KCTD8: variants seen among roughly 807,000 people sequenced by gnomAD.
The protein encoded by KCTD8 is potassium channel tetramerization domain containing 8, also known as BTB/POZ domain-containing protein KCTD8.
KCTD8 carries 27 observed loss-of-function variants against 31.5 expected under a neutral mutation model. That is an observed-to-expected ratio of 0.86 (90% CI 0.63 to 1.18). KCTD8 has a LOEUF of 1.18. Among genes scored for constraint, KCTD8 ranks in the 50% most tolerant of loss-of-function variants. KCTD8 has a pLI of 0.00. For missense variants in KCTD8, 658 were observed against 647.7 expected (o/e 1.02, Z -0.17); for synonymous variants, 290 against 280.0 (o/e 1.04, Z -0.36).
At chr4:44,424,977 T>G (rs1359086712) in intron 1 of KCTD8, among the ~76,000 whole-genome samples, 1 of 151,942 alleles carries the variant, frequency 6.6e-6, no homozygotes, top group Non-Finnish European at 1.5e-5. Context: ...TTCATTAGGA[T>G]GGGCCCTAAT....
At chr4:44,395,617 C>A (rs1328039042) in intron 1 of KCTD8, among the ~76,000 whole-genome samples, 6 of 152,152 alleles carry the variant, frequency 3.9e-5, no homozygotes, top group Non-Finnish European at 8.8e-5. Context: ...ATAAAGGTAG[C>A]AGTCACACAC....
intron 1 of KCTD8, among the ~76,000 whole-genome samples, chr4:44,224,499 TCAGA>T (rs990598413): frequency 6.6e-6 from 1 of 152,094 alleles, no homozygotes; most frequent in African/African-American, 2.4e-5. Flanking sequence ...TAGGATAATG[TCAGA>T]CAATCTCTAA....
chr4:44,196,768 C>T (rs534877852), intron 1 of KCTD8, among the ~76,000 whole-genome samples: 18 of 152,298 alleles, frequency 1.2e-4, no homozygotes, highest in African/African-American at 4.3e-4. Context: ...AACGAGAGAA[C>T]CCCCTCCTTT....
chr4:44,207,627 C>A (rs915453149), intron 1 of KCTD8, among the ~76,000 whole-genome samples: 2 of 152,148 alleles, frequency 1.3e-5, no homozygotes, highest in African/African-American at 4.8e-5. Flanking sequence ...AGGTTTTTCA[C>A]CAAATGTGTG....
intron 1 of KCTD8, among the ~76,000 whole-genome samples, chr4:44,367,110 C>A (rs1719657766): frequency 6.6e-6 from 1 of 152,120 alleles, no homozygotes; most frequent in East Asian, 1.9e-4. Context: ...GGGCTCTTCA[C>A]GCAGGCTGTT....
intron 1 of KCTD8, among the ~76,000 whole-genome samples, chr4:44,257,303 G>A (rs1031188249): frequency 6.6e-6 from 1 of 151,814 alleles, no homozygotes; most frequent in Non-Finnish European, 1.5e-5. Flanking sequence ...AAAATATGTG[G>A]GATATTTAAA....
intron 1 of KCTD8, among the ~76,000 whole-genome samples, chr4:44,271,128 C>T (rs1044194540): frequency 2.6e-5 from 4 of 152,050 alleles, no homozygotes; most frequent in Admixed American, 2.0e-4. Flanking sequence ...TAACCATTAA[C>T]AAATAAATCA....
intron 1 of KCTD8, among the ~76,000 whole-genome samples, chr4:44,415,330 T>C (rs1721049262): frequency 6.6e-6 from 1 of 152,066 alleles, no homozygotes; most frequent in Non-Finnish European, 1.5e-5. Flanking sequence ...CAAAAACATT[T>C]GAAAAATTTG....
intron 1 of KCTD8, among the ~76,000 whole-genome samples, chr4:44,331,541 T>C (rs1247815412): frequency 1.3e-5 from 2 of 151,666 alleles, no homozygotes; most frequent in African/African-American, 4.8e-5. Flanking sequence ...TTGTAATGAA[T>C]GTGACACACA....
At chr4:44,182,961 GA>G (rs1319437068) in intron 1 of KCTD8, among the ~76,000 whole-genome samples, 1 of 152,048 alleles carries the variant, frequency 6.6e-6, no homozygotes, top group Admixed American at 6.6e-5. Flanking sequence ...TATAAATGCC[GA>G]AAAATGTTAA....
chr4:44,385,248 G>A (rs1720179457), intron 1 of KCTD8, among the ~76,000 whole-genome samples: 2 of 151,322 alleles, frequency 1.3e-5, no homozygotes, highest in African/African-American at 4.8e-5. Flanking sequence ...GAATCTCATG[G>A]GACCTAAATA....
intron 1 of KCTD8, among the ~76,000 whole-genome samples, chr4:44,191,998 G>T (rs139690478): frequency 5.3e-5 from 8 of 152,000 alleles, no homozygotes; most frequent in Non-Finnish European, 7.4e-5. Context: ...TGGGCATCAC[G>T]GATCTACCGA....
intron 1 of KCTD8, among the ~76,000 whole-genome samples, chr4:44,443,507 GATATAAAA>G (rs1346823749): frequency 6.6e-6 from 1 of 152,006 alleles, no homozygotes; most frequent in African/African-American, 2.4e-5. Context: ...TGAAAGAGTG[GATATAAAA>G]ATTCATTAAG....
At chr4:44,250,609 C>G (rs1013863486) in intron 1 of KCTD8, among the ~76,000 whole-genome samples, 1 of 151,672 alleles carries the variant, frequency 6.6e-6, no homozygotes, top group African/African-American at 2.4e-5. Context: ...ATGAAACTTA[C>G]AATTCTCTCT....
At chr4:44,301,244 G>T (rs1390055929) in intron 1 of KCTD8, among the ~76,000 whole-genome samples, 16 of 152,170 alleles carry the variant, frequency 1.1e-4, no homozygotes, top group African/African-American at 3.9e-4. Flanking sequence ...TAATGGGATG[G>T]CTGGGTCAAA....
At chr4:44,368,396 T>A (rs928842312) in intron 1 of KCTD8, among the ~76,000 whole-genome samples, 5 of 128,730 alleles carry the variant, frequency 3.9e-5, no homozygotes, top group African/African-American at 1.1e-4. Context: ...AAGAAAAAAA[T>A]AAAATAAAAT....
intron 1 of KCTD8, among the ~76,000 whole-genome samples, chr4:44,198,452 C>T (rs541280362): frequency 1.5e-4 from 23 of 152,260 alleles, no homozygotes; most frequent in African/African-American, 5.1e-4. Context: ...AGGCTAGCAG[C>T]AGACCTCTCA....
At chr4:44,397,826 G>A (rs1305352844) in intron 1 of KCTD8, among the ~76,000 whole-genome samples, 4 of 152,048 alleles carry the variant, frequency 2.6e-5, no homozygotes, top group Non-Finnish European at 4.4e-5. Flanking sequence ...AACATTACAA[G>A]AATTTTAAAC....
At chr4:44,182,607 A>T (rs1401879513) in intron 1 of KCTD8, among the ~76,000 whole-genome samples, 14 of 152,162 alleles carry the variant, frequency 9.2e-5, no homozygotes, top group Non-Finnish European at 2.1e-4. Flanking sequence ...GTTAAGAGTC[A>T]TCAGCACTCC....
Sources: allele counts gnomAD v4.1 joint callset (sites outside exome capture counted in the v4.1 genomes callset), GRCh38; gene constraint gnomAD v4.1.1; transcripts MANE v1.5; gene names NCBI Gene and HGNC (gene_info 2026-07-23, HGNC 2026-07-21).